The following ANKRD30B variants were observed in gnomAD, a reference collection of about 807,000 sequenced individuals.
The protein encoded by ANKRD30B is ankyrin repeat domain-containing protein 30B.
In ANKRD30B, 144 loss-of-function variants were observed where a neutral mutation model predicts 202.2. The observed-to-expected ratio is 0.71, with a 90% CI of 0.62 to 0.82. ANKRD30B has a LOEUF of 0.82. Among genes scored for constraint, ANKRD30B ranks in the 40% least tolerant of loss-of-function variants. The pLI is 0.00. For missense variants in ANKRD30B, 1,487 were observed against 1,669.1 expected, an observed-to-expected ratio of 0.89 and a Z score of 1.90; for synonymous variants, 508 against 561.3, an observed-to-expected ratio of 0.91 and a Z score of 1.34.
chr18:14,844,621 A>G (rs1424802511), intron 39 of ANKRD30B, among the ~76,000 whole-genome samples: 1 of 152,232 alleles, frequency 6.6e-6, no homozygotes, highest in Non-Finnish European at 1.5e-5. Flanking sequence ...GCTGGATCAA[A>G]TGGTATTTCT....
At chr18:14,873,948 A>G in the ANKRD30B span, among the ~76,000 whole-genome samples, 4 of 152,124 alleles carry the variant, frequency 2.6e-5, no homozygotes, top group Non-Finnish European at 5.9e-5. Context: ...CTCCTGGGGA[A>G]ACACCCGGCA....
chr18:14,748,425 G>C lies in ANKRD30B; in HGVS notation c.6G>C (p.Lys2Asn). 1 of 1,499,650 alleles carries C rather than the reference G, an allele frequency of 6.7e-7. No homozygotes were observed. Among genetic ancestry groups the C allele is most frequent in the Non-Finnish European group, 8.9e-7 (1 of 1,121,830 alleles). The allele number at this position is 1,499,650 out of a possible 1,614,324, so 92.9% of individuals were successfully genotyped here. ...TCTAGCAGGGGGCTGCAGCCATGAA[G>C]AGGCTCTTAGCTGCCGCTGGCAAGG... MKRLLAAAGKGV... is the reference protein window; with the variant it reads MNRLLAAAGKGV... The change falls in exon 1 of 44, where the codon AAG becomes AAC. Residue 2 changes from lysine to asparagine, a missense_variant. Around this residue, in one of 6 missense-constraint regions of ANKRD30B, gnomAD observed 889 missense variants for 841.4 expected, o/e 1.06. Coordinates refer to ENST00000690538, the MANE Select transcript of ANKRD30B (RefSeq NM_001367607.2).
intron 28 of ANKRD30B, among the ~76,000 whole-genome samples, chr18:14,811,501 G>A (rs1244989551): frequency 6.7e-6 from 1 of 150,078 alleles, no homozygotes; most frequent in African/African-American, 2.5e-5. Flanking sequence ...GTGAGCCACC[G>A]CGCCCGGCCC....
At chr18:14,774,575 A>G (rs561384259) in intron 9 of ANKRD30B, among the ~76,000 whole-genome samples, 74 of 152,184 alleles carry the variant, frequency 4.9e-4, no homozygotes, top group African/African-American at 1.7e-3. Context: ...AATTTATACA[A>G]TTATTTATAC....
chr18:14,840,294 T>G (rs1460682813), intron 36 of ANKRD30B, among the ~76,000 whole-genome samples: 1 of 152,216 alleles, frequency 6.6e-6, no homozygotes, highest in Non-Finnish European at 1.5e-5. Flanking sequence ...TCCCAATATT[T>G]TCGGAGGGCG....
the ANKRD30B span, among the ~76,000 whole-genome samples, chr18:14,909,263 C>A: frequency 2.0e-5 from 3 of 152,264 alleles, no homozygotes; most frequent in Middle Eastern, 3.4e-3. Context: ...TTCCTGTGCT[C>A]CCCAGTGTCC....
rs1967628115 is a variant in ANKRD30B, at chr18:14,780,097, T to G, written c.1482+76T>G. ...GATGTGAAAATGCAAAATCAGAGGC[T>G]TTGACTTGGTTCTCTTACCACTGCA... On this transcript the variant is annotated intron_variant, in intron 11 of 43. Coordinates refer to ENST00000690538, the MANE Select transcript of ANKRD30B (RefSeq NM_001367607.2). 4 of 1,133,662 alleles carry G rather than the reference T, an allele frequency of 3.5e-6. 1 individual carries two copies. The South Asian group carries it at 5.6e-5, about 16-fold the overall frequency. The allele number at this position is 1,133,662 out of a possible 1,614,324, so 70.2% of individuals were successfully genotyped here.
the ANKRD30B span, among the ~76,000 whole-genome samples, chr18:14,914,876 A>T: frequency 6.6e-6 from 1 of 152,134 alleles, no homozygotes; most frequent in Non-Finnish European, 1.5e-5. Context: ...AGCTCAGAAG[A>T]GAGGTCTGGA....
chr18:14,886,620 G>C, the ANKRD30B span, among the ~76,000 whole-genome samples: 1 of 151,996 alleles, frequency 6.6e-6, no homozygotes, highest in African/African-American at 2.4e-5. Context: ...TTCTATTTAA[G>C]TTTCTGTGTA....
At chr18:14,873,113 G>A in the ANKRD30B span, among the ~76,000 whole-genome samples, 2 of 152,220 alleles carry the variant, frequency 1.3e-5, no homozygotes, top group African/African-American at 4.8e-5. Flanking sequence ...AACGTAGGAA[G>A]AGAGCCTCAG....
intron 39 of ANKRD30B, among the ~76,000 whole-genome samples, chr18:14,845,171 C>A (rs1200005813): frequency 6.6e-6 from 1 of 151,884 alleles, no homozygotes; most frequent in Non-Finnish European, 1.5e-5. Context: ...TTGCCCATGC[C>A]TATGTCCTGA....
In ANKRD30B at chr18:14,809,014, G is replaced by A. The variant is rs189245734; in HGVS notation, c.2386+270G>A. 1.4e-3 allele frequency among the ~76,000 whole-genome samples: 209 copies of A among 150,620 alleles called. 5 individuals are homozygous for A. The highest frequency in any genetic ancestry group is 6.5e-3 in the Admixed American group (99 of 15,176). ...CCTTGTCTTTGTTCCCAGGTGGATCGGCAGGTTGAGAAAGAATAGACACAG... is the reference window on the plus strand; with the variant it reads ...CCTTGTCTTTGTTCCCAGGTGGATCAGCAGGTTGAGAAAGAATAGACACAG... On this transcript the variant is annotated intron_variant, in intron 26 of 43. Transcript: ENST00000690538.
At chr18:14,803,967 A>G in intron 24 of ANKRD30B, 143 bp downstream of exon 24, 2 of 778,216 alleles carry the variant, frequency 2.6e-6, no homozygotes. Flanking sequence ...GTGATAAGTT[A>G]TACGTCTTAT....
chr18:14,799,215 C>T lies in ANKRD30B; in HGVS notation c.2059-8C>T, dbSNP rs779207296. On this transcript the variant is annotated splice_polypyrimidine_tract_variant and splice_region_variant and intron_variant, in intron 21 of 43. Transcript: ENST00000690538. ...TATGTTAATTTTTGTGTTTCCAAAC[C>T]CATTTAGCCTACCTGTGGAAGGAAA... is the stretch of plus-strand genomic sequence containing the variant. 1 of 1,579,680 alleles carries T rather than the reference C, an allele frequency of 6.3e-7. No homozygotes were observed. Among genetic ancestry groups the T allele is most frequent in the Non-Finnish European group, 8.6e-7 (1 of 1,165,430 alleles).
rs537012765 is a variant in ANKRD30B at position 14,799,313 on chromosome 18, A to T, written c.2131+18A>T. 6.6e-7 allele frequency: 1 copy of T among 1,504,620 alleles called. No individual in the cohort carries two copies. Among genetic ancestry groups the T allele is most frequent in the Non-Finnish European group, 8.9e-7 (1 of 1,125,028 alleles). The allele number at this position is 1,504,620 out of a possible 1,614,324, so 93.2% of individuals were successfully genotyped here. On this transcript the variant is annotated intron_variant, in intron 22 of 43. Transcript: ENST00000690538. The stretch of plus-strand genomic sequence containing the variant: ...CAAAGCAGGTAAATTTTGCAATTTT[A>T]ATTTTACTCTGGAATTAAGAATATT...
chr18:14,914,674 G>A, the ANKRD30B span, among the ~76,000 whole-genome samples: 10 of 152,280 alleles, frequency 6.6e-5, no homozygotes, highest in Admixed American at 5.2e-4. Flanking sequence ...AAGTAAGGGT[G>A]TTGAGTTTCT....
At chr18:14,756,802 G>C in intron 4 of ANKRD30B, among the ~76,000 whole-genome samples, 1 of 152,124 alleles carries the variant, frequency 6.6e-6, no homozygotes, top group Non-Finnish European at 1.5e-5. Context: ...TGAGGCACGA[G>C]AATCGCTTGA....
intron 26 of ANKRD30B, 134 bp from the exon 27 acceptor site, chr18:14,809,852 A>G: frequency 1.1e-6 from 1 of 888,468 alleles, no homozygotes; most frequent in Non-Finnish European, 1.8e-6. Context: ...AATAACCCAA[A>G]AGACCCCAAA....
chr18:14,917,423 G>C, the ANKRD30B span, among the ~76,000 whole-genome samples: 1 of 151,448 alleles, frequency 6.6e-6, no homozygotes, highest in African/African-American at 2.4e-5. Context: ...GTCTATCTGC[G>C]CTTCTCTTTC....
Sources: gnomAD v4.1 joint callset for allele counts (sites outside exome capture counted in the v4.1 genomes callset) on GRCh38, gnomAD v4.1.1 for gene constraint, gnomAD v4.1.1 regional missense constraint, MANE v1.5 for transcripts, NCBI Gene and HGNC (gene_info 2026-07-23, HGNC 2026-07-21) for gene names.